Variants in EPHA5 observed in about 807,000 individuals in gnomAD.
EPHA5 encodes EPH receptor A5.
Under a neutral mutation model 105.0 loss-of-function variants are expected in EPHA5, and 60 were observed. The ratio of observed to expected loss-of-function variants is 0.57; its 90% CI spans 0.46 to 0.71. EPHA5 has a LOEUF of 0.71. Ranked by LOEUF, EPHA5 falls within the 30% of genes least tolerant of loss-of-function variation. EPHA5 has a pLI of 0.00. For synonymous variants in EPHA5, 513 were observed against 449.1 expected (o/e 1.14, Z -1.80); for missense variants, 1,218 against 1,274.7 (o/e 0.96, Z 0.68).
intron 5 of EPHA5, among the ~76,000 whole-genome samples, chr4:65,442,078 T>C (rs1726069450): frequency 6.6e-6 from 1 of 152,030 alleles, no homozygotes; most frequent in Admixed American, 6.6e-5. Context: ...AAATGTCCAA[T>C]GTAATTCAGT....
Position 65,574,745 on chromosome 4 carries a change from T to TATATAC in EPHA5, c.910+26895_910+26896insGTATAT, listed in dbSNP as rs1350728214. Among the ~76,000 whole-genome samples the TATATAC allele has an allele frequency of 7.8e-4, 92 of 118,478 alleles. 2 individuals carry two copies. Among genetic ancestry groups the TATATAC allele is most frequent in the African/African-American group, 2.6e-3 (82 of 31,594 alleles). The allele number at this position is 118,478 out of a possible 152,430, so 77.7% of individuals were successfully genotyped here. A position where few individuals can be genotyped will look rare whatever the true frequency, so the allele number is the denominator to read the frequency against. On this transcript the variant is annotated intron_variant, in intron 3 of 16. Transcript: ENST00000613740. The stretch of plus-strand genomic sequence containing the variant: ...ACATATATATACATATATATATACA[T>TATATAC]ATATATATATATACACAGTAATTTT...
intron 3 of EPHA5, among the ~76,000 whole-genome samples, chr4:65,555,666 T>A (rs1300598796): frequency 1.4e-5 from 2 of 141,404 alleles, no homozygotes; most frequent in African/African-American, 6.4e-5. Flanking sequence ...GGCTACTTCA[T>A]CAGGCTCTTA....
chr4:65,408,570 C>T (rs1399879725), intron 7 of EPHA5, among the ~76,000 whole-genome samples: 2 of 151,732 alleles, frequency 1.3e-5, no homozygotes, highest in African/African-American at 2.4e-5. Flanking sequence ...TTTTATGCAG[C>T]CAAAAAACAC....
intron 3 of EPHA5, among the ~76,000 whole-genome samples, chr4:65,520,416 T>TA (rs1553931488): frequency 1.3e-5 from 2 of 152,060 alleles, no homozygotes; most frequent in South Asian, 2.1e-4. Flanking sequence ...ACTAAAACCA[T>TA]AAAAACCCTA....
intron 3 of EPHA5, among the ~76,000 whole-genome samples, chr4:65,521,016 C>G (rs1378904995): frequency 2.6e-5 from 4 of 152,114 alleles, no homozygotes; most frequent in Non-Finnish European, 5.9e-5. Context: ...CCAGCCATCT[C>G]ATTACAGAGT....
At chr4:65,377,384 A>C (rs1719117363) in intron 8 of EPHA5, among the ~76,000 whole-genome samples, 1 of 151,996 alleles carries the variant, frequency 6.6e-6, no homozygotes. Context: ...AGCCCATTCT[A>C]ATATATCTCT....
intron 3 of EPHA5, among the ~76,000 whole-genome samples, chr4:65,504,365 A>AATAT (rs149200564): frequency 2.2e-3 from 330 of 147,246 alleles, no homozygotes; most frequent in East Asian, 3.4e-3. Context: ...TATATTGAAA[A>AATAT]ATATATATAT....
At chr4:65,591,667 A>G (rs1742676232) in intron 3 of EPHA5, among the ~76,000 whole-genome samples, 1 of 151,994 alleles carries the variant, frequency 6.6e-6, no homozygotes, top group African/African-American at 2.4e-5. Flanking sequence ...GTAAGGAAGT[A>G]CAGGGACTTT....
chr4:65,524,759 G>T (rs972209145), intron 3 of EPHA5, among the ~76,000 whole-genome samples: 1 of 151,734 alleles, frequency 6.6e-6, no homozygotes, highest in African/African-American at 2.4e-5. Context: ...CCATATGAAT[G>T]AAGAAGTTTT....
intron 5 of EPHA5, among the ~76,000 whole-genome samples, chr4:65,435,616 G>A (rs190774474): frequency 2.6e-4 from 40 of 151,888 alleles, no homozygotes; most frequent in East Asian, 2.3e-3. Flanking sequence ...TTCTTTTTCC[G>A]CTTGTTATCT....
intron 4 of EPHA5, among the ~76,000 whole-genome samples, chr4:65,490,952 A>G (rs1477953768): frequency 6.6e-6 from 1 of 152,174 alleles, no homozygotes; most frequent in Non-Finnish European, 1.5e-5. Flanking sequence ...GTTTTGCTTC[A>G]TGTATATGTA....
At chr4:65,420,342 C>A (rs1723820276) in intron 6 of EPHA5, 99 bp downstream of exon 6, 2 of 1,172,030 alleles carry the variant, frequency 1.7e-6, no homozygotes, top group South Asian at 3.1e-5. Flanking sequence ...TTGATTTACA[C>A]ATAAAATTGC....
intron 8 of EPHA5, among the ~76,000 whole-genome samples, chr4:65,400,206 G>A (rs942131025): frequency 1.3e-5 from 2 of 152,012 alleles, no homozygotes; most frequent in African/African-American, 4.8e-5. Flanking sequence ...TACAAAATTA[G>A]GACAAAAGAA....
rs749079632 is a variant in EPHA5, at chr4:65,465,467, A to AAAAGAAAGAAAG, written c.1402+24898_1402+24909dup. 6.5e-3 allele frequency among the ~76,000 whole-genome samples: 487 copies of AAAAGAAAGAAAG among 75,006 alleles called. 8 individuals carry two copies. Among genetic ancestry groups the AAAAGAAAGAAAG allele is most frequent in the East Asian group, 0.021 (39 of 1,902 alleles). The allele number at this position is 75,006 out of a possible 152,430, so 49.2% of individuals were successfully genotyped here. A position where few individuals can be genotyped will look rare whatever the true frequency, so the allele number is the denominator to read the frequency against. On this transcript the variant is annotated intron_variant, in intron 5 of 16. Coordinates refer to ENST00000613740, the MANE Select transcript of EPHA5 (RefSeq NM_001281766.3). ...AAGAAAGAAAGAAAGAAAAGAAAGA[A>AAAAGAAAGAAAG]AAAGAAAGAAAGAAAGAAAGAAAGA...
At chr4:65,516,826 A>T (rs1373824400) in intron 3 of EPHA5, among the ~76,000 whole-genome samples, 3 of 152,086 alleles carry the variant, frequency 2.0e-5, no homozygotes, top group Admixed American at 2.0e-4. Context: ...TTGATTTCAA[A>T]CTTAATCCCA....
chr4:65,573,755 C>G, intron 3 of EPHA5: 1 of 1,610,102 alleles, frequency 6.2e-7, no homozygotes, highest in Non-Finnish European at 8.5e-7. Flanking sequence ...TTGGTGGTGA[C>G]AAGAACGGCG....
chr4:65,414,707 C>T (rs992272075), intron 6 of EPHA5, among the ~76,000 whole-genome samples: 1 of 152,116 alleles, frequency 6.6e-6, no homozygotes, highest in Non-Finnish European at 1.5e-5. Flanking sequence ...ATTTCTAAAA[C>T]TTTGAAAACA....
At chr4:65,443,947 G>A (rs972427427) in intron 5 of EPHA5, among the ~76,000 whole-genome samples, 2 of 151,966 alleles carry the variant, frequency 1.3e-5, no homozygotes, top group Non-Finnish European at 1.5e-5. Flanking sequence ...GTGTGCACGC[G>A]CACATGCGCA....
chr4:65,332,736 T>C (rs1156920910), intron 15 of EPHA5, among the ~76,000 whole-genome samples: 1 of 151,824 alleles, frequency 6.6e-6, no homozygotes, highest in Non-Finnish European at 1.5e-5. Flanking sequence ...TACTAAAATT[T>C]GTCATGTAGT....
Sources: allele counts gnomAD v4.1 joint callset (sites outside exome capture counted in the v4.1 genomes callset), GRCh38; gene constraint gnomAD v4.1.1; transcripts MANE v1.5; gene names NCBI Gene and HGNC (gene_info 2026-07-23, HGNC 2026-07-21).